The following SCN7A variants were observed in gnomAD, a reference collection of about 807,000 sequenced individuals.
SCN7A encodes the protein sodium channel protein type 7 subunit alpha.
Under a neutral mutation model 155.2 loss-of-function variants are expected in SCN7A, and 138 were observed. The observed-to-expected ratio is 0.89, with a 90% CI of 0.77 to 1.02. The LOEUF (loss-of-function observed/expected upper bound fraction) is 1.02. Ranked by LOEUF, SCN7A falls within the 50% of genes least tolerant of loss-of-function variation. SCN7A has a pLI of 0.00. For synonymous variants in SCN7A, 693 were observed against 649.0 expected (o/e 1.07, Z -1.03); for missense variants, 2,058 against 1,986.6 (o/e 1.04, Z -0.68).
intron 6 of SCN7A, among the ~76,000 whole-genome samples, chr2:166,471,167 G>A (rs555940202): frequency 6.6e-6 from 1 of 152,008 alleles, no homozygotes; most frequent in South Asian, 2.1e-4. Flanking sequence ...GAAGGTATAA[G>A]CAGACTGTGT....
At chr2:166,451,810 T>C (rs970935043) in intron 11 of SCN7A, among the ~76,000 whole-genome samples, 1 of 152,164 alleles carries the variant, frequency 6.6e-6, no homozygotes, top group Non-Finnish European at 1.5e-5. Flanking sequence ...CCAGTTTCCT[T>C]TAATTTATTA....
At position 166,416,692 on chromosome 2, in the gene SCN7A, C is replaced by A; in HGVS notation, c.3414+15G>T. 2 of 1,578,138 alleles carry A rather than the reference C, an allele frequency of 1.3e-6. No homozygotes were observed. Among genetic ancestry groups the A allele is most frequent in the Admixed American group, 1.8e-5 (1 of 54,178 alleles). ...GAATATATAATTAATAAGGAAAAGT[C>A]AAAAGTGTACTTACTACTTGAAGCA... On this transcript the variant is annotated intron_variant, in intron 21 of 25. Coordinates refer to ENST00000643258, the MANE Select transcript of SCN7A (RefSeq NM_002976.4).
At chr2:166,475,117 T>TATAC (rs1559125253) in intron 3 of SCN7A, among the ~76,000 whole-genome samples, 1 of 121,386 alleles carries the variant, frequency 8.2e-6, no homozygotes, top group African/African-American at 3.2e-5. Flanking sequence ...TATATATATA[T>TATAC]ATACATATAT....
chr2:166,441,034 T>G (rs7573111), intron 15 of SCN7A: 50 of 348,722 alleles, frequency 1.4e-4, no homozygotes, highest in African/African-American at 9.4e-4. Flanking sequence ...TCTGGAATTT[T>G]CCACTGGATG....
At position 166,464,496 on chromosome 2, in the gene SCN7A, T is replaced by C. The variant is rs573358850; in HGVS notation, c.941+966A>G. On this transcript the variant is annotated intron_variant, in intron 9 of 25. Transcript: ENST00000643258. ...ATAGGACAATGAGACATGACAGTTA[T>C]GTCATCTCACTTAAGAATTATTTTG... 5.3e-5 allele frequency among the ~76,000 whole-genome samples: 8 copies of C among 152,316 alleles called. No individual in the cohort carries two copies. The East Asian group carries it at 1.2e-3, about 22-fold the overall frequency.
At chr2:166,409,995 G>GT in intron 24 of SCN7A, 60 bp from the exon 25 acceptor site, 4 of 1,391,864 alleles carry the variant, frequency 2.9e-6, no homozygotes, top group African/African-American at 1.5e-5. Flanking sequence ...ACATATATAT[G>GT]GTCTTTTATA....
chr2:166,459,773 A>C (rs1409558612), intron 10 of SCN7A, among the ~76,000 whole-genome samples: 1 of 152,210 alleles, frequency 6.6e-6, no homozygotes, highest in East Asian at 1.9e-4. Flanking sequence ...TGGCACATAT[A>C]CACCATGGAA....
intron 10 of SCN7A, among the ~76,000 whole-genome samples, chr2:166,460,638 T>C (rs1409974372): frequency 2.6e-5 from 4 of 152,088 alleles, no homozygotes; most frequent in Non-Finnish European, 5.9e-5. Flanking sequence ...CAGCATAAAT[T>C]TGAAGCCTGA....
chr2:166,452,681 A>G (rs1316340558), intron 11 of SCN7A, among the ~76,000 whole-genome samples: 1 of 152,182 alleles, frequency 6.6e-6, no homozygotes, highest in Admixed American at 6.5e-5. Context: ...AATTCATAAG[A>G]AAGTTTCACC....
Position 166,409,661 on chromosome 2 carries a change from T to G in SCN7A, c.3982+4A>C. On this transcript the variant is annotated splice_donor_region_variant and intron_variant, in intron 25 of 25. Coordinates refer to ENST00000643258, the MANE Select transcript of SCN7A (RefSeq NM_002976.4). ...AGTAAAAATTTGACTAAACAAAATC[T>G]TACCTGTGATGGAGAAAATAACCAC... 6.7e-7 allele frequency: 1 copy of G among 1,489,430 alleles called. No individual in the cohort carries two copies. The highest frequency in any genetic ancestry group is 8.9e-7 in the Non-Finnish European group (1 of 1,122,568). The allele number at this position is 1,489,430 out of a possible 1,614,324, so 92.3% of individuals were successfully genotyped here. A position where few individuals can be genotyped will look rare whatever the true frequency, so the allele number is the denominator to read the frequency against.
At chr2:166,448,416 G>A (rs1702110940) in intron 11 of SCN7A, among the ~76,000 whole-genome samples, 1 of 152,054 alleles carries the variant, frequency 6.6e-6, no homozygotes, top group African/African-American at 2.4e-5. Flanking sequence ...TAATAAACAT[G>A]GGAGTACAGA....
chr2:166,482,512 TA>T (rs1370094742), intron 2 of SCN7A, among the ~76,000 whole-genome samples: 1 of 151,968 alleles, frequency 6.6e-6, no homozygotes, highest in East Asian at 1.9e-4. Flanking sequence ...TTTCCTCATA[TA>T]TAAAATTTGG....
intron 18 of SCN7A, among the ~76,000 whole-genome samples, chr2:166,426,338 A>G (rs572365797): frequency 2.6e-4 from 39 of 152,048 alleles, no homozygotes; most frequent in Non-Finnish European, 5.0e-4. Context: ...CGTAGTATGG[A>G]GTATCTGGCA....
At position 166,410,313 on chromosome 2, in the gene SCN7A, T is replaced by C; in HGVS notation, c.3618A>G (p.Ser1206=). The C allele has an allele frequency of 6.5e-7, 1 of 1,542,618 alleles. No individual in the cohort carries two copies. The highest frequency in any genetic ancestry group is 1.2e-5 in the South Asian group (1 of 81,330). ...FNKHKIKLGG[S]NIFITVKQRK... ...TCTGTTTAACCGTTATAAAGATATTTGAGCCTCCCAGGTAAAGAAAGGAAA... is the reference window on the plus strand; with the variant it reads ...TCTGTTTAACCGTTATAAAGATATTCGAGCCTCCCAGGTAAAGAAAGGAAA... Residue 1206 remains serine (S), a synonymous_variant, in exon 24 of 26, where the codon TCA becomes TCG. Coordinates refer to ENST00000643258, the MANE Select transcript of SCN7A (RefSeq NM_002976.4).
chr2:166,488,713 C>T (rs922768663), intron 1 of SCN7A, among the ~76,000 whole-genome samples: 2 of 151,654 alleles, frequency 1.3e-5, no homozygotes, highest in African/African-American at 4.9e-5. Context: ...CCTTGGCTCA[C>T]TGCAACCTAC....
chr2:166,482,439 A>G (rs1702950307), intron 2 of SCN7A, among the ~76,000 whole-genome samples: 1 of 151,964 alleles, frequency 6.6e-6, no homozygotes, highest in African/African-American at 2.4e-5. Flanking sequence ...CCATAAGAAA[A>G]TAATCTTGGA....
intron 17 of SCN7A, among the ~76,000 whole-genome samples, chr2:166,428,622 T>C (rs1236450578): frequency 1.3e-5 from 2 of 151,862 alleles, no homozygotes; most frequent in Non-Finnish European, 2.9e-5. Flanking sequence ...TGGAGGTAGG[T>C]GGAGTTTAAA....
rs377607414 is a variant in SCN7A, at chr2:166,432,515, T to G, written c.2395A>C (p.Ser799Arg). 17 of 1,613,702 alleles carry G rather than the reference T, an allele frequency of 1.1e-5. No homozygotes were observed. In the African/African-American group the frequency reaches 2.3e-4, roughly 22 times the overall value. ...TCTTTGAGAAAATCTTGGGTGTTGC[T>G]CAATTCAGAAAGGGTATGGTCAGAA... ...DISDHTLSEL[S>R]NTQDFLKDKE... Residue 799 changes from serine to arginine, a missense_variant, in exon 16 of 26, where the codon AGC becomes CGC. Coordinates refer to ENST00000643258, the MANE Select transcript of SCN7A (RefSeq NM_002976.4).
chr2:166,447,380 G>GT (rs1277337006), intron 12 of SCN7A, among the ~76,000 whole-genome samples: 1 of 152,068 alleles, frequency 6.6e-6, no homozygotes. Flanking sequence ...ATGTCAATAT[G>GT]TTTTTAATGT....
Sources: allele counts gnomAD v4.1 joint callset (sites outside exome capture counted in the v4.1 genomes callset), GRCh38; gene constraint gnomAD v4.1.1; transcripts MANE v1.5; gene names NCBI Gene and HGNC (gene_info 2026-07-23, HGNC 2026-07-21).